DHRSX: variants seen among roughly 807,000 people sequenced by gnomAD.
The protein encoded by DHRSX is polyprenol dehydrogenase.
In DHRSX, 31 loss-of-function variants were observed where a neutral mutation model predicts 34.0. That is an observed-to-expected ratio of 0.91 (90% CI 0.69 to 1.23). DHRSX has a LOEUF of 1.23. DHRSX is among the 50% of genes most tolerant of loss of function. The probability of loss-of-function intolerance (pLI) is 0.00; values close to 1 mark genes in which losing one functional copy is unlikely to be tolerated. For missense variants in DHRSX, 414 were observed against 428.1 expected (o/e 0.97, Z 0.29); for synonymous variants, 201 against 183.8 (o/e 1.09, Z -0.76).
At chrX:2,423,542 T>C (rs999871266) in intron 2 of DHRSX, among the ~76,000 whole-genome samples, 14 of 152,254 alleles carry the variant, frequency 9.2e-5, no homozygotes, top group Admixed American at 3.9e-4. Flanking sequence ...CAGTGAGCTA[T>C]GATTATGTCA....
chrX:2,242,269 C>T (rs1340804920), intron 6 of DHRSX, among the ~76,000 whole-genome samples: 2 of 152,176 alleles, frequency 1.3e-5, no homozygotes, highest in Admixed American at 6.6e-5. Flanking sequence ...CATCCCCAAA[C>T]GGTCTCCAGC....
At chrX:2,415,774 AC>A (rs1330186659) in intron 2 of DHRSX, among the ~76,000 whole-genome samples, 1 of 151,278 alleles carries the variant, frequency 6.6e-6, no homozygotes, top group East Asian at 2.0e-4. Context: ...ATCATGACCA[AC>A]CAACTAGATC....
At chrX:2,403,951 C>G (rs138182228) in intron 3 of DHRSX, among the ~76,000 whole-genome samples, 2,504 of 151,682 alleles carry the variant, frequency 0.017, 73 homozygotes, top group African/African-American at 0.058. Flanking sequence ...GATTATAAAT[C>G]ATTGTTTCTT....
At chrX:2,224,970 TCACATG>T (rs2015613421) in intron 6 of DHRSX, among the ~76,000 whole-genome samples, 1 of 78,310 alleles carries the variant, frequency 1.3e-5, no homozygotes, top group Admixed American at 1.2e-4. Context: ...ATGCTCACAT[TCACATG>T]CACACTAATT....
chrX:2,471,296 C>T (rs772767366), intron 1 of DHRSX, among the ~76,000 whole-genome samples: 1 of 152,232 alleles, frequency 6.6e-6, no homozygotes, highest in South Asian at 2.1e-4. Flanking sequence ...CTGGGCTGGG[C>T]GCGGTCACGC....
chrX:2,363,720 G>A (rs1267146775), intron 3 of DHRSX, among the ~76,000 whole-genome samples: 6 of 149,686 alleles, frequency 4.0e-5, no homozygotes, highest in South Asian at 2.1e-4. Context: ...TTTTATCACC[G>A]TTCTATGGTA....
rs192038543 is a variant in DHRSX, at chrX:2,374,265, T to C, written c.286+34480A>G. On this transcript the variant is annotated intron_variant, in intron 3 of 6. Coordinates refer to ENST00000334651, the MANE Select transcript of DHRSX (RefSeq NM_145177.3). ...GGATTCTTGACAGAAGAGTTGGCTC[T>C]GAAATACCAACATGTGGTTCTGTTT... Among the ~76,000 whole-genome samples, 9 of 152,258 alleles carry C rather than the reference T, an allele frequency of 5.9e-5. No homozygotes were observed. The East Asian group carries it at 1.7e-3, about 29-fold the overall frequency.
intron 3 of DHRSX, among the ~76,000 whole-genome samples, chrX:2,313,649 G>A (rs1467579024): frequency 3.9e-5 from 6 of 152,148 alleles, no homozygotes; most frequent in Admixed American, 2.6e-4. Context: ...TTACAGGCAT[G>A]AGCCACGACG....
intron 1 of DHRSX, among the ~76,000 whole-genome samples, chrX:2,465,808 G>GGAAAAAAAA (rs2044483787): frequency 1.5e-5 from 1 of 67,840 alleles, no homozygotes; most frequent in African/African-American, 1.0e-4. Flanking sequence ...AAACTCCATC[G>GGAAAAAAAA]CAAAAAAAAA....
intron 1 of DHRSX, among the ~76,000 whole-genome samples, chrX:2,471,561 T>C (rs867620669): frequency 1.5e-5 from 2 of 133,550 alleles, no homozygotes; most frequent in South Asian, 4.4e-4. Flanking sequence ...CAAAACTCCA[T>C]CTCAAAAAAA....
chrX:2,430,278 T>C (rs2043901842), intron 1 of DHRSX, among the ~76,000 whole-genome samples: 1 of 142,740 alleles, frequency 7.0e-6, no homozygotes, highest in African/African-American at 2.6e-5. Flanking sequence ...AAAAAAAGCA[T>C]CACAGATTGC....
At chrX:2,397,278 T>C (rs2043423861) in intron 3 of DHRSX, among the ~76,000 whole-genome samples, 1 of 152,062 alleles carries the variant, frequency 6.6e-6, no homozygotes, top group South Asian at 2.1e-4. Flanking sequence ...GGGACCACAG[T>C]GCACCCCACC....
chrX:2,485,142 T>A (rs945973253), intron 1 of DHRSX, among the ~76,000 whole-genome samples: 4 of 152,054 alleles, frequency 2.6e-5, no homozygotes, highest in Non-Finnish European at 5.9e-5. Context: ...ATCCCACCAC[T>A]GTGCGGAAGG....
At chrX:2,315,818 TG>T (rs2042235073) in intron 3 of DHRSX, among the ~76,000 whole-genome samples, 1 of 152,128 alleles carries the variant, frequency 6.6e-6, no homozygotes, top group African/African-American at 2.4e-5. Context: ...CATGCTGAAT[TG>T]GGAGGCAAAA....
chrX:2,425,090 A>G, intron 2 of DHRSX, 107 bp downstream of exon 2: 1 of 832,794 alleles, frequency 1.2e-6, no homozygotes, highest in Non-Finnish European at 2.0e-6. Flanking sequence ...CAGTGAGCCA[A>G]GATTGCACCA....
In DHRSX at chrX:2,446,686, C is replaced by T. The variant is rs192409119; in HGVS notation, c.110-21382G>A. Among the ~76,000 whole-genome samples, 44 of 152,100 alleles carry T rather than the reference C, an allele frequency of 2.9e-4. 1 individual carries two copies. The East Asian group carries it at 7.5e-3, about 26-fold the overall frequency. On this transcript the variant is annotated intron_variant, in intron 1 of 6. Transcript: ENST00000334651. The stretch of plus-strand genomic sequence containing the variant: ...GTTCCCTAAAAATGTGGCCAAGGGA[C>T]CACCGCCATGTACTCACTGAAGATG...
chrX:2,475,991 G>A (rs1346140974), intron 1 of DHRSX, among the ~76,000 whole-genome samples: 4 of 152,164 alleles, frequency 2.6e-5, no homozygotes, highest in African/African-American at 7.2e-5. Context: ...TCACACCAAG[G>A]AAGACGTCTT....
At chrX:2,451,710 C>T in intron 1 of DHRSX, among the ~76,000 whole-genome samples, 1 of 152,140 alleles carries the variant, frequency 6.6e-6, no homozygotes, top group East Asian at 1.9e-4. Flanking sequence ...GAGTCAGAGA[C>T]ACCCAGTGAA....
chrX:2,490,270 C>G, intron 1 of DHRSX: 1 of 1,613,856 alleles, frequency 6.2e-7, no homozygotes, highest in South Asian at 1.1e-5. Flanking sequence ...TCAGCAGCAC[C>G]TTGAAGGTGG....
Sources: allele counts gnomAD v4.1 joint callset (sites outside exome capture counted in the v4.1 genomes callset), GRCh38; gene constraint gnomAD v4.1.1; transcripts MANE v1.5; gene names NCBI Gene and HGNC (gene_info 2026-07-23, HGNC 2026-07-21).